Variants in BTBD1 observed in about 807,000 individuals in gnomAD.
BTBD1 encodes the protein BTB domain containing 1, also known as BTB/POZ domain-containing protein 1.
In BTBD1, 34 loss-of-function variants were observed where a neutral mutation model predicts 48.0. The ratio of observed to expected loss-of-function variants is 0.71; its 90% confidence interval spans 0.54 to 0.94. The LOEUF (loss-of-function observed/expected upper bound fraction) is 0.94. BTBD1 is among the 40% of genes least tolerant of loss of function. The probability of loss-of-function intolerance (pLI) is 0.00; values close to 1 mark genes in which losing one functional copy is unlikely to be tolerated. For missense variants in BTBD1, 543 were observed against 625.6 expected (o/e 0.87, Z 1.41); for synonymous variants, 261 against 242.1 (o/e 1.08, Z -0.72).
At chr15:83,060,825 T>G (rs972822003) in intron 1 of BTBD1, among the ~76,000 whole-genome samples, 13 of 152,076 alleles carry the variant, frequency 8.5e-5, no homozygotes, top group African/African-American at 1.7e-4. Context: ...AAAGTAAATT[T>G]TAAAAGCCTA....
chr15:83,047,711 C>T (rs768655562), intron 3 of BTBD1, among the ~76,000 whole-genome samples: 1 of 152,140 alleles, frequency 6.6e-6, no homozygotes, highest in Non-Finnish European at 1.5e-5. Flanking sequence ...ACAACAAGAA[C>T]GAACTACCTA....
chr15:83,030,057 A>C, intron 5 of BTBD1, 79 bp downstream of exon 5: 208 of 1,057,884 alleles, frequency 2.0e-4, no homozygotes, highest in Non-Finnish European at 2.7e-4. Flanking sequence ...TTGGTTAATT[A>C]TCTCCCATAA....
rs1371715358 is a variant in BTBD1, at chr15:83,016,597, T to C, written c.*1470A>G. ...ACGTCAAGAAACACTAACTCATCTC[T>C]GGCATATCATATTTTTTAAGGCAGA... is the stretch of plus-strand genomic sequence containing the variant. On this transcript the variant is annotated 3_prime_UTR_variant, in exon 8 of 8. Coordinates refer to ENST00000261721, the MANE Select transcript of BTBD1 (RefSeq NM_025238.4). 1 of 152,144 alleles carries C rather than the reference T, an allele frequency of 6.6e-6. No homozygotes were observed. The highest frequency in any genetic ancestry group is 1.5e-5 in the Non-Finnish European group (1 of 68,022). 9.4% of individuals were successfully genotyped at this position (152,144 alleles called of 1,614,324 possible).
chr15:83,065,794 CCAAA>C (rs147429618), intron 1 of BTBD1, among the ~76,000 whole-genome samples: 9,772 of 152,198 alleles, frequency 0.064, 336 homozygotes, highest in Middle Eastern at 0.099. Context: ...GCTAGTAATG[CCAAA>C]CAATCACCTT....
intron 1 of BTBD1, 41 bp downstream of exon 1, chr15:83,066,710 C>A: frequency 2.6e-6 from 3 of 1,165,752 alleles, no homozygotes; most frequent in Non-Finnish European, 3.3e-6. Flanking sequence ...CCGGCCCGGC[C>A]CGGCCCGGCC....
At chr15:83,059,973 G>C (rs1406105229) in intron 1 of BTBD1, among the ~76,000 whole-genome samples, 1 of 152,132 alleles carries the variant, frequency 6.6e-6, no homozygotes, top group East Asian at 1.9e-4. Context: ...GACATTTTAA[G>C]TTCTTTTGGG....
chr15:83,018,325 C>A (rs1231858952), intron 7 of BTBD1, 100 bp from the exon 8 acceptor site: 2 of 1,003,866 alleles, frequency 2.0e-6, no homozygotes, highest in Non-Finnish European at 1.4e-6. Context: ...ATTTCACTAT[C>A]ATTCCTATAT....
intron 2 of BTBD1, 75 bp downstream of exon 2, chr15:83,056,313 GA>G (rs1459618000): frequency 1.1e-6 from 1 of 899,768 alleles, no homozygotes; most frequent in Admixed American, 2.4e-5. Context: ...AATTCTCCAG[GA>G]AATATTAAAT....
In BTBD1 at chr15:83,026,969, CGTGT is replaced by C. The variant is rs71156067; in HGVS notation, c.1055+3163_1055+3166del. The stretch of plus-strand genomic sequence containing the variant: ...TAAACCACTGCTCCTAGGGGAAATA[CGTGT>C]GTGTGTGTGTGTGTGTGTGTATGTA... On this transcript the variant is annotated intron_variant, in intron 5 of 7. Transcript: ENST00000261721. 2.1e-3 allele frequency among the ~76,000 whole-genome samples: 313 copies of C among 150,260 alleles called. 2 individuals carry two copies. The highest frequency in any genetic ancestry group is 6.6e-3 in the African/African-American group (272 of 41,170).
At chr15:83,021,802 A>G (rs1326393732) in intron 5 of BTBD1, among the ~76,000 whole-genome samples, 1 of 150,844 alleles carries the variant, frequency 6.6e-6, no homozygotes, top group Non-Finnish European at 1.5e-5. Flanking sequence ...AAAATCTGAC[A>G]TAATTATAAT....
At position 83,066,786 on chromosome 15, in the gene BTBD1, C is replaced by A; in HGVS notation, c.366G>T (p.Pro122=). ...CCAGGAAGGCTGCGGGCTCCACGTC[C>A]GGCAGCTCGATCTCGGCCGACGTGG... The part of the protein sequence containing the change: ...MATTSAEIEL[P]DVEPAAFLAL... The change falls in exon 1 of 8, where the codon CCG becomes CCT. Residue 122 remains proline (P), a synonymous_variant. Transcript: ENST00000261721. 3 of 1,434,476 alleles carry A rather than the reference C, an allele frequency of 2.1e-6. No homozygotes were observed. The highest frequency in any genetic ancestry group is 2.7e-6 in the Non-Finnish European group (3 of 1,098,336). 88.9% of individuals were successfully genotyped at this position (1,434,476 alleles called of 1,614,324 possible).
intron 3 of BTBD1, among the ~76,000 whole-genome samples, chr15:83,048,568 T>C (rs1253545394): frequency 2.6e-5 from 4 of 152,206 alleles, no homozygotes; most frequent in Non-Finnish European, 5.9e-5. Context: ...CTTCCTCTTA[T>C]ACACTTCTTC....
chr15:83,037,759 A>G, intron 4 of BTBD1, among the ~76,000 whole-genome samples: 1 of 152,194 alleles, frequency 6.6e-6, no homozygotes, highest in East Asian at 1.9e-4. Flanking sequence ...CTCTTCACAG[A>G]TGATATGCTT....
intron 3 of BTBD1, among the ~76,000 whole-genome samples, chr15:83,048,395 G>A (rs1175552993): frequency 2.0e-5 from 3 of 152,140 alleles, no homozygotes; most frequent in Admixed American, 6.6e-5. Flanking sequence ...CCCAGAAGAC[G>A]ACAGGGACTG....
intron 5 of BTBD1, among the ~76,000 whole-genome samples, chr15:83,025,831 G>A (rs940327083): frequency 3.3e-5 from 5 of 151,802 alleles, no homozygotes; most frequent in African/African-American, 1.2e-4. Context: ...GTGCAGTGGC[G>A]TGGTCTTGGC....
intron 1 of BTBD1, among the ~76,000 whole-genome samples, chr15:83,057,273 G>C (rs1263551491): frequency 6.6e-6 from 1 of 152,192 alleles, no homozygotes; most frequent in Non-Finnish European, 1.5e-5. Flanking sequence ...AAGGCCAAGA[G>C]GAAATAGACT....
chr15:83,057,100 A>C (rs1202208890), intron 1 of BTBD1, among the ~76,000 whole-genome samples: 4 of 152,198 alleles, frequency 2.6e-5, no homozygotes, highest in Admixed American at 6.5e-5. Flanking sequence ...CCATTTGTTG[A>C]GTGTCTGCCG....
chr15:83,057,161 T>A (rs541403215), intron 1 of BTBD1, among the ~76,000 whole-genome samples: 1 of 152,338 alleles, frequency 6.6e-6, no homozygotes, highest in African/African-American at 2.4e-5. Flanking sequence ...GAAGGTGCTA[T>A]TCCCTGCATT....
intron 1 of BTBD1, among the ~76,000 whole-genome samples, chr15:83,057,182 A>G (rs2033101774): frequency 6.6e-6 from 1 of 152,204 alleles, no homozygotes; most frequent in Non-Finnish European, 1.5e-5. Flanking sequence ...TTAATAAGAA[A>G]ACCAAGGCTG....
Sources: allele counts gnomAD v4.1 joint callset (sites outside exome capture counted in the v4.1 genomes callset), GRCh38; gene constraint gnomAD v4.1.1; transcripts MANE v1.5; gene names NCBI Gene and HGNC (gene_info 2026-07-23, HGNC 2026-07-21).